Variants in UNC5B observed in about 807,000 individuals in gnomAD.
UNC5B encodes the protein netrin receptor UNC5B.
Under a neutral mutation model 103.7 loss-of-function variants are expected in UNC5B, and 56 were observed. The observed-to-expected ratio is 0.54, with a 90% CI of 0.44 to 0.67. The LOEUF (loss-of-function observed/expected upper bound fraction) is 0.67. UNC5B is among the 30% of genes least tolerant of loss of function. UNC5B has a pLI of 0.00. For missense variants in UNC5B, 1,194 were observed against 1,284.5 expected (o/e 0.93, Z 1.08); for synonymous variants, 577 against 542.0 (o/e 1.06, Z -0.90).
Position 71,297,920 on chromosome 10 carries a change from C to T in UNC5B, c.2502C>T (p.Gly834=), listed in dbSNP as rs1845484037. The part of the protein sequence containing the change: ...LHTTLAETPA[G]SLDTLCSAPG... ...CCCCACCCTTGCAGACACCTGCTGG[C>T]TCCCTGGACACTCTCTGCTCTGCCC... is the stretch of plus-strand genomic sequence containing the variant. The change falls in exon 16 of 17, where the codon GGC becomes GGT. Residue 834 remains glycine (G), a synonymous_variant. Transcript: ENST00000335350. 6.2e-7 allele frequency: 1 copy of T among 1,612,518 alleles called. No individual in the cohort carries two copies. Among genetic ancestry groups the T allele is most frequent in the Non-Finnish European group, 8.5e-7 (1 of 1,179,342 alleles).
chr10:71,280,994 C>A (rs1317033880), intron 2 of UNC5B, among the ~76,000 whole-genome samples: 2 of 152,138 alleles, frequency 1.3e-5, no homozygotes, highest in Admixed American at 6.6e-5. Flanking sequence ...CCTGCCTCTC[C>A]CTGCTCATTT....
At chr10:71,297,525 C>T (rs868804792) in intron 15 of UNC5B, among the ~76,000 whole-genome samples, 1 of 152,252 alleles carries the variant, frequency 6.6e-6, no homozygotes, top group Non-Finnish European at 1.5e-5. Context: ...GGTCTGGACC[C>T]AGGTCTGCCA....
rs774215015 is a variant in UNC5B at position 71,293,810 on chromosome 10, C to T, written c.2052C>T (p.Gly684=). ...LDQLGTYVFT[G]ESYSRSAVKR... is the part of the protein sequence containing the mutation. ...AGCTGGGCACCTACGTGTTCACGGGCGAGTCCTATTCCCGCTCAGCAGTCA... is the reference window on the plus strand; with the variant it reads ...AGCTGGGCACCTACGTGTTCACGGGTGAGTCCTATTCCCGCTCAGCAGTCA... The change falls in exon 13 of 17, where the codon GGC becomes GGT. Residue 684 remains glycine, a synonymous_variant. Transcript: ENST00000335350. The T allele has an allele frequency of 6.8e-6, 11 of 1,609,788 alleles. No individual in the cohort carries two copies. Among genetic ancestry groups the T allele is most frequent in the African/African-American group, 1.3e-5 (1 of 74,744 alleles).
At chr10:71,262,544 C>A (rs1844437448) in intron 1 of UNC5B, among the ~76,000 whole-genome samples, 1 of 152,172 alleles carries the variant, frequency 6.6e-6, no homozygotes, top group South Asian at 2.1e-4. Flanking sequence ...TTCATTCATG[C>A]ACGAAGGATT....
intron 2 of UNC5B, among the ~76,000 whole-genome samples, chr10:71,281,058 T>TC (rs935915096): frequency 3.9e-5 from 6 of 152,084 alleles, no homozygotes; most frequent in Non-Finnish European, 5.9e-5. Flanking sequence ...TTTCTCTTCA[T>TC]CCCCCTCTCT....
At chr10:71,288,450 T>C (rs1390379665) in intron 6 of UNC5B, 118 bp from the exon 7 acceptor site, 1 of 1,443,112 alleles carries the variant, frequency 6.9e-7, no homozygotes, top group Non-Finnish European at 9.3e-7. Flanking sequence ...GGGTTCCTCA[T>C]TTCCTTCCAT....
intron 1 of UNC5B, among the ~76,000 whole-genome samples, chr10:71,256,246 C>G (rs1459357057): frequency 6.6e-6 from 1 of 152,202 alleles, no homozygotes; most frequent in Non-Finnish European, 1.5e-5. Context: ...CGCCACACCC[C>G]TATGCTGCTG....
intron 1 of UNC5B, among the ~76,000 whole-genome samples, chr10:71,266,845 T>C (rs988554419): frequency 6.6e-6 from 1 of 152,232 alleles, no homozygotes; most frequent in Non-Finnish European, 1.5e-5. Flanking sequence ...AAATCAGCAG[T>C]TCACACATTT....
At chr10:71,238,461 C>T (rs1843820735) in intron 1 of UNC5B, among the ~76,000 whole-genome samples, 1 of 152,146 alleles carries the variant, frequency 6.6e-6, no homozygotes, top group Admixed American at 6.5e-5. Context: ...CGTCTGAGGC[C>T]TCGACTCCAT....
At chr10:71,257,667 G>A (rs776863194) in intron 1 of UNC5B, among the ~76,000 whole-genome samples, 1 of 152,218 alleles carries the variant, frequency 6.6e-6, no homozygotes, top group Non-Finnish European at 1.5e-5. Context: ...GCTCCTTGGA[G>A]GTGCTGTGTG....
rs965608632 is a variant in UNC5B at position 71,301,866 on chromosome 10, C to G, written c.*2589C>G. On this transcript the variant is annotated 3_prime_UTR_variant, in exon 17 of 17. Transcript: ENST00000335350. ...TAGGGGACCTTGTGATCTGCCGTGC[C>G]CCTCCTCCCTGTTCTTTTCTGTCCT... is the stretch of plus-strand genomic sequence containing the variant. The G allele has an allele frequency of 5.3e-5, 8 of 152,210 alleles. No individual in the cohort carries two copies. Among genetic ancestry groups the G allele is most frequent in the Non-Finnish European group, 1.0e-4 (7 of 68,078 alleles). The allele number at this position is 152,210 out of a possible 1,614,324, so 9.4% of individuals were successfully genotyped here. A position where few individuals can be genotyped will look rare whatever the true frequency, so the allele number is the denominator to read the frequency against.
At chr10:71,257,347 G>T (rs552018630) in intron 1 of UNC5B, among the ~76,000 whole-genome samples, 1 of 152,246 alleles carries the variant, frequency 6.6e-6, no homozygotes, top group African/African-American at 2.4e-5. Flanking sequence ...GGAAGTTCAG[G>T]TTGAGAGAAA....
rs528328223 is a variant in UNC5B at position 71,299,953 on chromosome 10, A to C, written c.*676A>C. ...AAAAAAGAAAATGAAAAACAACACA[A>C]AAAAAATAGAAAACTCTTTTCTTGA... On this transcript the variant is annotated 3_prime_UTR_variant, in exon 17 of 17. Transcript: ENST00000335350. 3 of 152,222 alleles carry C rather than the reference A, an allele frequency of 2.0e-5. No individual in the cohort carries two copies. Among genetic ancestry groups the C allele is most frequent in the Admixed American group, 6.5e-5 (1 of 15,294 alleles). The allele number at this position is 152,222 out of a possible 1,614,324, so 9.4% of individuals were successfully genotyped here. A position where few individuals can be genotyped will look rare whatever the true frequency, so the allele number is the denominator to read the frequency against.
chr10:71,214,110 A>C (rs2132231343), intron 1 of UNC5B, among the ~76,000 whole-genome samples: 1 of 152,132 alleles, frequency 6.6e-6, no homozygotes. Flanking sequence ...TCGGCTCCGG[A>C]GCCAGGTGGG....
chr10:71,242,280 G>A (rs1160667539), intron 1 of UNC5B, among the ~76,000 whole-genome samples: 2 of 152,198 alleles, frequency 1.3e-5, no homozygotes, highest in African/African-American at 4.8e-5. Context: ...GATCTCCTTT[G>A]TAGGGATGAG....
chr10:71,226,698 T>C (rs986562136), intron 1 of UNC5B, among the ~76,000 whole-genome samples: 2 of 152,240 alleles, frequency 1.3e-5, no homozygotes, highest in African/African-American at 4.8e-5. Flanking sequence ...ATCTGATTTA[T>C]TGCAGGAATG....
At chr10:71,270,581 G>C (rs1844625378) in intron 1 of UNC5B, among the ~76,000 whole-genome samples, 1 of 152,156 alleles carries the variant, frequency 6.6e-6, no homozygotes, top group Non-Finnish European at 1.5e-5. Context: ...CCAGAGAGAG[G>C]AAGGGTCCAG....
Position 71,236,069 on chromosome 10 carries a change from G to A in UNC5B, c.79+23005G>A, listed in dbSNP as rs187389916. 2.2e-4 allele frequency among the ~76,000 whole-genome samples: 33 copies of A among 152,336 alleles called. No individual in the cohort carries two copies. The East Asian group carries it at 5.8e-3, about 27-fold the overall frequency. ...CAACTGTAAACTGAAGGGGCCTTCT[G>A]GTCGGGGCAGGAGGGAACAGTGGAG... On this transcript the variant is annotated intron_variant, in intron 1 of 16. Coordinates refer to ENST00000335350, the MANE Select transcript of UNC5B (RefSeq NM_170744.5).
In UNC5B at chr10:71,293,920, C is replaced by A; in HGVS notation, c.2162C>A (p.Pro721His). 1 of 1,600,042 alleles carries A rather than the reference C, an allele frequency of 6.2e-7. No individual in the cohort carries two copies. Among genetic ancestry groups the A allele is most frequent in the Non-Finnish European group, 8.5e-7 (1 of 1,177,658 alleles). ...SLRVYCLEDTPVALKEVLELE... is the reference protein window; with the variant it reads ...SLRVYCLEDTHVALKEVLELE... The stretch of plus-strand genomic sequence containing the variant: ...CGGGTCTACTGCCTGGAGGACACGC[C>A]TGTAGCACTGAAGGTAGGGCCAGCT... The change falls in exon 13 of 17, where the codon CCT becomes CAT. Residue 721 changes from proline (P) to histidine (H), a missense_variant. Physicochemically the swap from Pro to His is moderately conservative, Grantham distance 77. Coordinates refer to ENST00000335350, the MANE Select transcript of UNC5B (RefSeq NM_170744.5).
Sources: gnomAD v4.1 joint callset for allele counts (sites outside exome capture counted in the v4.1 genomes callset) on GRCh38, gnomAD v4.1.1 for gene constraint, MANE v1.5 for transcripts, NCBI Gene and HGNC (gene_info 2026-07-23, HGNC 2026-07-21) for gene names.